Variants in SCN1A observed in about 807,000 individuals in gnomAD.
The protein encoded by SCN1A is sodium voltage-gated channel alpha subunit 1, also known as sodium channel protein type 1 subunit alpha.
In SCN1A, 13 loss-of-function variants were observed where a neutral mutation model predicts 193.7. The observed-to-expected ratio is 0.07, with a 90% CI of 0.04 to 0.11. The LOEUF (loss-of-function observed/expected upper bound fraction) is 0.11, where lower values mean the gene tolerates loss of function less well. Among genes scored for constraint, SCN1A ranks in the 10% least tolerant of loss-of-function variants. The pLI is 1.00. For synonymous variants in SCN1A, 781 were observed against 843.6 expected, an observed-to-expected ratio of 0.93 and a Z score of 1.29; for missense variants, 1,432 against 2,451.1, an observed-to-expected ratio of 0.58 and a Z score of 8.78.
At chr2:166,015,770 G>A (rs2105631215) in intron 19 of SCN1A, 43 bp from the exon 20 acceptor site, 1 of 1,609,778 alleles carries the variant, frequency 6.2e-7, no homozygotes, top group Non-Finnish European at 8.5e-7. Context: ...CTTTAATTTT[G>A]GTAATAAGTT....
chr2:166,143,304 C>T (rs1055691028), intron 1 of SCN1A, among the ~76,000 whole-genome samples: 4 of 151,430 alleles, frequency 2.6e-5, no homozygotes, highest in African/African-American at 9.7e-5. Context: ...GTAGCTGGGA[C>T]TACAGGCGCC....
At chr2:166,098,648 C>G (rs916631444) in intron 2 of SCN1A, among the ~76,000 whole-genome samples, 23 of 152,102 alleles carry the variant, frequency 1.5e-4, no homozygotes, top group Non-Finnish European at 2.9e-4. Context: ...ATCAAATAAA[C>G]AACTTCAGGA....
intron 23 of SCN1A, among the ~76,000 whole-genome samples, chr2:166,005,761 G>C (rs1211511324): frequency 1.3e-5 from 2 of 151,324 alleles, no homozygotes; most frequent in Non-Finnish European, 3.0e-5. Context: ...GCAGTAATTG[G>C]TTCTTATGGG....
chr2:166,059,670 C>G (rs537243090), intron 4 of SCN1A: 1 of 152,254 alleles, frequency 6.6e-6, no homozygotes, highest in Non-Finnish European at 1.5e-5. Flanking sequence ...TTCACCCATT[C>G]TTCGAAAGCT....
chr2:166,127,799 A>G lies in SCN1A; in HGVS notation c.-257T>C, dbSNP rs1022372660. 15 of 152,204 alleles carry G rather than the reference A, an allele frequency of 9.9e-5. No individual in the cohort carries two copies. Among genetic ancestry groups the G allele is most frequent in the African/African-American group, 3.4e-4 (14 of 41,436 alleles). 9.4% of individuals were successfully genotyped at this position (152,204 alleles called of 1,614,324 possible). A position where few individuals can be genotyped will look rare whatever the true frequency, so the allele number is the denominator to read the frequency against. On this transcript the variant is annotated 5_prime_UTR_variant, in exon 1 of 29. Transcript: ENST00000674923. ...ATTAAAAGGAAAATTATCCATCTGC[A>G]GTGAGGAACAGCATCACCCAAAGAC...
chr2:166,053,025 T>TA lies in SCN1A; in HGVS notation c.603-83dup, dbSNP rs909846494. 1.6e-5 allele frequency: 23 copies of TA among 1,418,726 alleles called. No homozygotes were observed. The African/African-American group carries it at 2.5e-4, about 16-fold the overall frequency. The allele number at this position is 1,418,726 out of a possible 1,614,324, so 87.9% of individuals were successfully genotyped here. A position where few individuals can be genotyped will look rare whatever the true frequency, so the allele number is the denominator to read the frequency against. Reference sequence around the variant, plus strand: ...GGTACAAAGAGCCTATCCTTTACTCTAATCACTTCTTACCTGGAATTACCG... The same window carrying TA: ...GGTACAAAGAGCCTATCCTTTACTCTAAATCACTTCTTACCTGGAATTACCG... On this transcript the variant is annotated intron_variant, in intron 7 of 28. Transcript: ENST00000674923.
At position 165,986,695 on chromosome 2, in the gene SCN1A, G is replaced by GC. The variant is rs1553518906; in HGVS notation, c.*4549dup. ...GACATAGGCACTTCAGTAACACACA[G>GC]CAAAAAAAAAAAAAAAATCCTCCCC... On this transcript the variant is annotated 3_prime_UTR_variant, in exon 29 of 29. Coordinates refer to ENST00000674923, the MANE Select transcript of SCN1A (RefSeq NM_001165963.4). 1 of 10,282 alleles carries GC rather than the reference G, an allele frequency of 9.7e-5. No individual in the cohort carries two copies. Among genetic ancestry groups the GC allele is most frequent in the East Asian group, 2.8e-3 (1 of 360 alleles). 0.6% of individuals were successfully genotyped at this position (10,282 alleles called of 1,614,324 possible).
chr2:165,992,130 G>T lies in SCN1A; in HGVS notation c.5145C>A (p.Ile1715=). Residue 1715 remains isoleucine (I), a synonymous_variant, in exon 29 of 29, where the codon ATC becomes ATA. Transcript: ENST00000674923. The surrounding 1 kb of genome is among the most constrained non-coding windows in gnomAD (Gnocchi z 6.5). ...CAGAGGTTGTAATTTGGAATAGGCA[G>T]ATCATGCTGTTGCCAAAGGTCTCAA... is the stretch of plus-strand genomic sequence containing the variant. ...FNFETFGNSM[I]CLFQITTSAG... 1 of 1,613,914 alleles carries T rather than the reference G, an allele frequency of 6.2e-7. No individual in the cohort carries two copies. Among genetic ancestry groups the T allele is most frequent in the Non-Finnish European group, 8.5e-7 (1 of 1,179,918 alleles).
chr2:166,115,874 A>G (rs1273514607), intron 2 of SCN1A, among the ~76,000 whole-genome samples: 1 of 152,232 alleles, frequency 6.6e-6, no homozygotes, highest in Non-Finnish European at 1.5e-5. Context: ...AATAAAGTGC[A>G]GTGGGAGAGA....
Position 166,039,668 on chromosome 2 carries a change from C to T in SCN1A, c.2416-72G>A, listed in dbSNP as rs490317. 340,496 of 1,341,646 alleles carry T rather than the reference C, an allele frequency of 0.25. 45,436 individuals carry two copies. The highest frequency in any genetic ancestry group is 0.38 in the Middle Eastern group (1,952 of 5,094). The allele number at this position is 1,341,646 out of a possible 1,614,324, so 83.1% of individuals were successfully genotyped here. A position where few individuals can be genotyped will look rare whatever the true frequency, so the allele number is the denominator to read the frequency against. On this transcript the variant is annotated intron_variant, in intron 16 of 28. Transcript: ENST00000674923. ...CATGACATAAGATTTGCTCTTAGAACATAATGCTTATGCTATTTTCCCACA... is the reference window on the plus strand; with the variant it reads ...CATGACATAAGATTTGCTCTTAGAATATAATGCTTATGCTATTTTCCCACA...
At chr2:166,080,904 CCTT>C (rs935435481) in intron 2 of SCN1A, among the ~76,000 whole-genome samples, 2 of 151,688 alleles carry the variant, frequency 1.3e-5, no homozygotes, top group African/African-American at 4.8e-5. Context: ...TAACAGATTA[CCTT>C]CTCGGGAGAC....
rs201697291 is a variant in SCN1A at position 166,002,721 on chromosome 2, T to C, written c.4035A>G (p.Pro1345=). The change falls in exon 24 of 29, where the codon CCA becomes CCG. Residue 1345 remains proline (P), a synonymous_variant. Coordinates refer to ENST00000674923, the MANE Select transcript of SCN1A (RefSeq NM_001165963.4). The part of the protein sequence containing the change: ...VVVNALLGAI[P]SIMNVLLVCL... The stretch of plus-strand genomic sequence containing the variant: ...AAACCAGAAGCACATTCATGATGGA[T>C]GGAATTGCTCCTAAAAGGGCATTCA... The C allele has an allele frequency of 3.1e-6, 5 of 1,611,102 alleles. No homozygotes were observed. The highest frequency in any genetic ancestry group is 3.4e-5 in the Admixed American group (2 of 59,694).
intron 5 of SCN1A, among the ~76,000 whole-genome samples, chr2:166,057,266 A>C (rs1699223355): frequency 6.6e-6 from 1 of 152,044 alleles, no homozygotes; most frequent in Non-Finnish European, 1.5e-5. Context: ...GAGTTAATGT[A>C]TTGGAAATGC....
At chr2:165,993,219 G>A (rs185599023) in intron 28 of SCN1A, 2,797 of 152,636 alleles carry the variant, frequency 0.018, 55 homozygotes, top group Non-Finnish European at 0.023. Context: ...GTGAGAGAGA[G>A]AGAGAGAGAA....
At chr2:166,145,499 A>T (rs900099344) in intron 1 of SCN1A, among the ~76,000 whole-genome samples, 7 of 150,058 alleles carry the variant, frequency 4.7e-5, no homozygotes, top group Admixed American at 1.3e-4. Flanking sequence ...TAGTATATTG[A>T]AAAGAATCTT....
intron 9 of SCN1A, among the ~76,000 whole-genome samples, chr2:166,051,070 A>T (rs1460530156): frequency 1.3e-5 from 2 of 151,984 alleles, no homozygotes; most frequent in East Asian, 3.9e-4. Context: ...CACATATTTT[A>T]TCTCCTTTCA....
chr2:166,114,870 T>C (rs79087923), intron 2 of SCN1A, among the ~76,000 whole-genome samples: 4 of 152,104 alleles, frequency 2.6e-5, no homozygotes, highest in African/African-American at 9.7e-5. Flanking sequence ...AGAGAAATGG[T>C]TTAGAGCAAA....
chr2:166,033,028 A>G (rs996448830), intron 19 of SCN1A, among the ~76,000 whole-genome samples: 1 of 152,170 alleles, frequency 6.6e-6, no homozygotes, highest in Non-Finnish European at 1.5e-5. Context: ...TCTACTTTGT[A>G]CCAAACATGT....
At chr2:166,058,488 C>A in intron 5 of SCN1A, 82 bp downstream of exon 5, 1 of 802,500 alleles carries the variant, frequency 1.2e-6, no homozygotes, top group South Asian at 1.5e-5. Context: ...ATGGACATTT[C>A]CCAACTTAAT....
Sources: gnomAD v4.1 joint callset for allele counts (sites outside exome capture counted in the v4.1 genomes callset) on GRCh38, gnomAD v4.1.1 for gene constraint, Gnocchi (gnomAD v3.1) non-coding constraint, MANE v1.5 for transcripts, NCBI Gene and HGNC (gene_info 2026-07-23, HGNC 2026-07-21) for gene names.